The following FAM13B variants were observed in gnomAD, a reference collection of about 807,000 sequenced individuals.
FAM13B encodes protein FAM13B.
In FAM13B, 60 loss-of-function variants were observed where a neutral mutation model predicts 117.3. The ratio of observed to expected loss-of-function variants is 0.51; its 90% confidence interval spans 0.42 to 0.63. The LOEUF (loss-of-function observed/expected upper bound fraction) is 0.63. Ranked by LOEUF, FAM13B falls within the 30% of genes least tolerant of loss-of-function variation. FAM13B has a pLI of 0.00. For synonymous variants in FAM13B, 332 were observed against 356.1 expected, an observed-to-expected ratio of 0.93 and a Z score of 0.76; for missense variants, 972 against 1,091.9, an observed-to-expected ratio of 0.89 and a Z score of 1.55.
intron 17 of FAM13B, among the ~76,000 whole-genome samples, chr5:137,951,207 A>AAC (rs1764874241): frequency 7.4e-6 from 1 of 134,440 alleles, no homozygotes; most frequent in Admixed American, 7.5e-5. Context: ...CCCTGTCTCA[A>AAC]ACAAAAAAAA....
intron 6 of FAM13B, among the ~76,000 whole-genome samples, 176 bp from the exon 7 acceptor site, chr5:138,007,323 T>C (rs966023172): frequency 2.0e-5 from 3 of 152,196 alleles, no homozygotes; most frequent in Non-Finnish European, 4.4e-5. Context: ...CAAAATAAAA[T>C]TGCAACCAGA....
chr5:137,988,379 G>A, intron 7 of FAM13B, 64 bp from the exon 8 acceptor site: 1 of 1,333,564 alleles, frequency 7.5e-7, no homozygotes, highest in Non-Finnish European at 1.0e-6. Flanking sequence ...AAAATGTGCT[G>A]AAATCTGCCA....
intron 1 of FAM13B, among the ~76,000 whole-genome samples, chr5:138,042,204 A>G (rs1791519182): frequency 6.6e-6 from 1 of 152,238 alleles, no homozygotes; most frequent in Non-Finnish European, 1.5e-5. Context: ...AGCTACAAAC[A>G]ACAATGTGAT....
chr5:138,032,716 G>T, intron 1 of FAM13B, 66 bp downstream of exon 1: 5 of 985,758 alleles, frequency 5.1e-6, no homozygotes, highest in Non-Finnish European at 6.0e-6. Flanking sequence ...GGCAACAGGA[G>T]GGGAAGGGCC....
intron 6 of FAM13B, among the ~76,000 whole-genome samples, chr5:138,010,631 A>G (rs1302372462): frequency 6.6e-6 from 1 of 152,156 alleles, no homozygotes; most frequent in Non-Finnish European, 1.5e-5. Context: ...AATTTTTAAA[A>G]ATGTGTACCG....
upstream of FAM13B, among the ~76,000 whole-genome samples, chr5:138,033,572 C>T (rs1023502885): frequency 6.6e-6 from 1 of 152,200 alleles, no homozygotes; most frequent in Non-Finnish European, 1.5e-5. Context: ...ACCTCAGGAC[C>T]TGACCTAGAC....
At chr5:138,030,170 C>T (rs746809166) in intron 1 of FAM13B, among the ~76,000 whole-genome samples, 1 of 152,190 alleles carries the variant, frequency 6.6e-6, no homozygotes, top group Non-Finnish European at 1.5e-5. Context: ...CTTTCTTCAA[C>T]CCACTCAAAC....
rs1209213247 is a variant in FAM13B at position 138,011,104 on chromosome 5, GCTCA to G, written c.590_593del (p.Val197AlafsTer3). The G allele has an allele frequency of 2.5e-6, 4 of 1,607,720 alleles. No homozygotes were observed. The highest frequency in any genetic ancestry group is 3.4e-6 in the Non-Finnish European group (4 of 1,178,698). The stretch of plus-strand genomic sequence containing the variant: ...TTTCCAGAAGTCCAGCCATTATCCT[GCTCA>G]CTATTTCTTGCTCTTTCATGTCTTC... On this transcript the variant is annotated frameshift_variant, in exon 6 of 24. Transcript: ENST00000689681. LOFTEE classifies it high-confidence loss of function.
In FAM13B at chr5:137,938,000, T is replaced by C. The variant is rs1364675629; in HGVS notation, c.*2225A>G. The C allele has an allele frequency of 1.3e-5, 2 of 152,094 alleles. No individual in the cohort carries two copies. The highest frequency in any genetic ancestry group is 2.9e-5 in the Non-Finnish European group (2 of 68,022). The allele number at this position is 152,094 out of a possible 1,614,324, so 9.4% of individuals were successfully genotyped here. On this transcript the variant is annotated 3_prime_UTR_variant, in exon 24 of 24. Transcript: ENST00000689681. ...TCTTTTATTATAAAAGTCTGTACAA[T>C]GAAGTGCCAGACACAGCAATGCCAT...
intron 11 of FAM13B, among the ~76,000 whole-genome samples, chr5:137,962,054 A>C (rs1768275507): frequency 6.6e-6 from 1 of 152,182 alleles, no homozygotes; most frequent in Non-Finnish European, 1.5e-5. Flanking sequence ...AGTATCTCTC[A>C]GTTAGTTATA....
chr5:138,022,646 T>C (rs1208979427), intron 1 of FAM13B, among the ~76,000 whole-genome samples: 2 of 152,180 alleles, frequency 1.3e-5, no homozygotes, highest in East Asian at 3.8e-4. Flanking sequence ...ACTTCAGAGA[T>C]AAGTTATTTA....
At chr5:137,973,887 A>C (rs538281787) in intron 10 of FAM13B, among the ~76,000 whole-genome samples, 19 of 145,206 alleles carry the variant, frequency 1.3e-4, no homozygotes, top group Admixed American at 1.1e-3. Flanking sequence ...GAGAAATGCA[A>C]ATCAAAACCA....
chr5:138,033,654 G>A (rs936916672), upstream of FAM13B: 2 of 152,314 alleles, frequency 1.3e-5, no homozygotes, highest in Non-Finnish European at 2.9e-5. Flanking sequence ...GGGCTTACAG[G>A]GAGCTTCGTA....
intron 9 of FAM13B, among the ~76,000 whole-genome samples, chr5:137,986,432 C>CCG (rs1445211772): frequency 3.7e-5 from 2 of 54,354 alleles, no homozygotes; most frequent in Non-Finnish European, 9.1e-5. Flanking sequence ...ATCTTCCCCC[C>CCG]CCCAAAAAAA....
intron 7 of FAM13B, among the ~76,000 whole-genome samples, chr5:137,990,611 G>C (rs1778370828): frequency 2.0e-5 from 3 of 151,876 alleles, no homozygotes; most frequent in African/African-American, 7.3e-5. Flanking sequence ...ATTTCATAAA[G>C]AATTAAATAA....
chr5:138,048,775 GCT>G (rs1791712571), intron 1 of FAM13B, among the ~76,000 whole-genome samples: 2 of 152,040 alleles, frequency 1.3e-5, no homozygotes, highest in South Asian at 4.1e-4. Flanking sequence ...TGCATTACAT[GCT>G]CTTTCTCATA....
intron 17 of FAM13B, among the ~76,000 whole-genome samples, chr5:137,951,177 T>C (rs1407616983): frequency 8.5e-6 from 1 of 117,262 alleles, no homozygotes; most frequent in African/African-American, 3.4e-5. Context: ...GCCACTGCAC[T>C]CCAGGGCAAC....
intron 7 of FAM13B, among the ~76,000 whole-genome samples, chr5:138,002,178 ATTTT>A (rs1781433166): frequency 6.6e-6 from 1 of 152,234 alleles, no homozygotes; most frequent in Non-Finnish European, 1.5e-5. Flanking sequence ...TACTTTTATA[ATTTT>A]TAAGAAACAA....
intron 10 of FAM13B, among the ~76,000 whole-genome samples, chr5:137,965,293 T>C (rs556778733): frequency 3.3e-5 from 5 of 152,286 alleles, no homozygotes; most frequent in Admixed American, 3.3e-4. Context: ...GCTAAGGTGC[T>C]CTGGTCTCAA....
Sources: gnomAD v4.1 joint callset for allele counts (sites outside exome capture counted in the v4.1 genomes callset) on GRCh38, gnomAD v4.1.1 for gene constraint, MANE v1.5 for transcripts, NCBI Gene and HGNC (gene_info 2026-07-23, HGNC 2026-07-21) for gene names.